PRAG1: variants seen among roughly 807,000 people sequenced by gnomAD.
The protein encoded by PRAG1 is inactive tyrosine-protein kinase PRAG1.
PRAG1 carries 110 observed loss-of-function variants against 95.6 expected under a neutral mutation model. The observed-to-expected ratio is 1.15, with a 90% CI of 0.99 to 1.35. The LOEUF (loss-of-function observed/expected upper bound fraction) is 1.35. Ranked by LOEUF, PRAG1 falls within the 40% of genes most tolerant of loss-of-function variation. PRAG1 has a pLI of 0.00. For missense variants in PRAG1, 2,554 were observed against 1,864.7 expected (o/e 1.37, Z -6.81); for synonymous variants, 1,052 against 819.4 (o/e 1.28, Z -4.85).
intron 5 of PRAG1, among the ~76,000 whole-genome samples, chr8:8,319,711 C>A (rs1432806898): frequency 6.6e-6 from 1 of 151,930 alleles, no homozygotes; most frequent in African/African-American, 2.4e-5. Flanking sequence ...AGACAAACAG[C>A]CCAATTAAAA....
intron 5 of PRAG1, among the ~76,000 whole-genome samples, chr8:8,326,883 A>C (rs1335611225): frequency 6.6e-6 from 1 of 152,218 alleles, no homozygotes; most frequent in Non-Finnish European, 1.5e-5. Context: ...GATTACTGTT[A>C]GGATTAGAGG....
chr8:8,383,741 A>C (rs1000039024), intron 1 of PRAG1, among the ~76,000 whole-genome samples: 1 of 152,134 alleles, frequency 6.6e-6, no homozygotes, highest in Non-Finnish European at 1.5e-5. Context: ...TCCTCCAAAT[A>C]CACCCAAGTA....
At chr8:8,336,917 C>G (rs547960703) in intron 4 of PRAG1, among the ~76,000 whole-genome samples, 18 of 143,400 alleles carry the variant, frequency 1.3e-4, no homozygotes, top group East Asian at 6.3e-4. Context: ...TTCCCCCCTC[C>G]CCCCACCTCC....
rs546007532 is a variant in PRAG1, at chr8:8,337,254, A to T, written c.2320+2224T>A. ...TCTAATCTCTCAGCTTTGGTACTGC[A>T]TGCCAAACAGTAACTAAAGTTGCAA... is the stretch of plus-strand genomic sequence containing the variant. On this transcript the variant is annotated intron_variant, in intron 4 of 5. Transcript: ENST00000615670. Among the ~76,000 whole-genome samples, 45 of 152,374 alleles carry T rather than the reference A, an allele frequency of 3.0e-4. 1 individual carries two copies. In the Middle Eastern group the frequency reaches 0.024, roughly 81 times the overall value.
chr8:8,349,776 C>T (rs1397998428), intron 3 of PRAG1, among the ~76,000 whole-genome samples: 4 of 152,052 alleles, frequency 2.6e-5, no homozygotes, highest in Non-Finnish European at 4.4e-5. Flanking sequence ...TCTGTGGTCC[C>T]CATGGTGCAG....
rs775330191 is a variant in PRAG1 at position 8,319,299 on chromosome 8, A to C, written c.3076T>G (p.Cys1026Gly). Residue 1026 changes from cysteine (C) to glycine (G), a missense_variant, in exon 6 of 6, where the codon TGC (cysteine) becomes GGC (glycine). Transcript: ENST00000615670. The part of the protein sequence containing the change: ...DPGSTYAVKI[C>G]KAPEPKTVSY... ...ACTGTTTTGGGCTCAGGGGCTTTGCAGATCTGTGGAGAGAAGAAGAAGTGA... is the reference window on the plus strand; with the variant it reads ...ACTGTTTTGGGCTCAGGGGCTTTGCCGATCTGTGGAGAGAAGAAGAAGTGA... The C allele has an allele frequency of 1.4e-5, 21 of 1,504,522 alleles. No individual in the cohort carries two copies. The highest frequency in any genetic ancestry group is 1.9e-5 in the Non-Finnish European group (21 of 1,124,686). 93.2% of individuals were successfully genotyped at this position (1,504,522 alleles called of 1,614,324 possible).
intron 3 of PRAG1, among the ~76,000 whole-genome samples, chr8:8,355,403 G>GA (rs1472367292): frequency 3.3e-5 from 5 of 151,416 alleles, no homozygotes; most frequent in African/African-American, 7.3e-5. Context: ...CACAGAAATA[G>GA]AAAAAACAAT....
At chr8:8,319,642 T>G (rs537039123) in intron 5 of PRAG1, among the ~76,000 whole-genome samples, 1 of 152,166 alleles carries the variant, frequency 6.6e-6, no homozygotes, top group Non-Finnish European at 1.5e-5. Context: ...CCAAAATGTA[T>G]GTAATAAAGG....
At chr8:8,341,258 T>C (rs1563235938) in intron 3 of PRAG1, among the ~76,000 whole-genome samples, 1 of 152,156 alleles carries the variant, frequency 6.6e-6, no homozygotes, top group Non-Finnish European at 1.5e-5. Context: ...CTTCATGAAA[T>C]GTATGTAAAT....
At chr8:8,378,510 C>T (rs1052546101) in intron 2 of PRAG1, among the ~76,000 whole-genome samples, 1 of 152,074 alleles carries the variant, frequency 6.6e-6, no homozygotes, top group African/African-American at 2.4e-5. Flanking sequence ...TTTTTGATAA[C>T]CCAATCACAG....
intron 4 of PRAG1, among the ~76,000 whole-genome samples, chr8:8,338,605 G>C (rs1448606809): frequency 6.6e-6 from 1 of 152,178 alleles, no homozygotes; most frequent in Non-Finnish European, 1.5e-5. Context: ...AGAACTGTCA[G>C]AGGTTTCTCA....
chr8:8,319,348 C>T (rs781317655), intron 5 of PRAG1, 46 bp from the exon 6 acceptor site: 3 of 1,454,338 alleles, frequency 2.1e-6, no homozygotes, highest in Non-Finnish European at 2.8e-6. Context: ...GCCCATGGTT[C>T]CGCCCAGCAA....
intron 3 of PRAG1, among the ~76,000 whole-genome samples, chr8:8,354,082 C>T (rs1425730795): frequency 1.3e-5 from 2 of 151,268 alleles, no homozygotes; most frequent in East Asian, 3.9e-4. Flanking sequence ...CAAATAAAAT[C>T]AGAAATGAAA....
intron 5 of PRAG1, among the ~76,000 whole-genome samples, chr8:8,324,180 C>T (rs1027222722): frequency 4.6e-5 from 7 of 152,172 alleles, no homozygotes; most frequent in African/African-American, 1.7e-4. Context: ...AGCTGGCCTG[C>T]AGGTATTGTG....
chr8:8,326,952 A>T (rs1323898119), intron 5 of PRAG1, among the ~76,000 whole-genome samples: 3 of 152,312 alleles, frequency 2.0e-5, no homozygotes, highest in South Asian at 2.1e-4. Flanking sequence ...ATTATTGTTC[A>T]AGATGATTCC....
intron 3 of PRAG1, among the ~76,000 whole-genome samples, chr8:8,368,035 C>G (rs1800069132): frequency 6.6e-6 from 1 of 152,184 alleles, no homozygotes; most frequent in Non-Finnish European, 1.5e-5. Flanking sequence ...ACCTCAGGAA[C>G]ATAAAGTAAT....
intron 4 of PRAG1, among the ~76,000 whole-genome samples, chr8:8,336,995 T>C (rs1380713039): frequency 6.9e-6 from 1 of 144,270 alleles, no homozygotes; most frequent in Non-Finnish European, 1.5e-5. Context: ...TTACACAAAC[T>C]ACTATCATGA....
At chr8:8,366,456 T>G (rs968063847) in intron 3 of PRAG1, among the ~76,000 whole-genome samples, 1 of 151,854 alleles carries the variant, frequency 6.6e-6, no homozygotes, top group African/African-American at 2.4e-5. Flanking sequence ...TAAGATTACA[T>G]GCGTCTGCCA....
chr8:8,341,805 C>G (rs535941443), intron 3 of PRAG1, among the ~76,000 whole-genome samples: 1 of 152,120 alleles, frequency 6.6e-6, no homozygotes, highest in African/African-American at 2.4e-5. Context: ...TTGTCCTGTC[C>G]TTGTCCAATT....
Sources: allele counts gnomAD v4.1 joint callset (sites outside exome capture counted in the v4.1 genomes callset), GRCh38; gene constraint gnomAD v4.1.1; transcripts MANE v1.5; gene names NCBI Gene and HGNC (gene_info 2026-07-23, HGNC 2026-07-21).